The following CCDC180 variants were observed in gnomAD, a reference collection of about 807,000 sequenced individuals.
CCDC180 encodes coiled-coil domain-containing protein 180.
Under a neutral mutation model 209.2 loss-of-function variants are expected in CCDC180, and 154 were observed. The ratio of observed to expected loss-of-function variants is 0.74; its 90% confidence interval spans 0.65 to 0.84. The LOEUF (loss-of-function observed/expected upper bound fraction) is 0.84. Ranked by LOEUF, CCDC180 falls within the 40% of genes least tolerant of loss-of-function variation. The pLI, the probability that CCDC180 is intolerant of heterozygous loss-of-function variation, is 0.00. For synonymous variants in CCDC180, 778 were observed against 749.1 expected (o/e 1.04, Z -0.63); for missense variants, 1,874 against 1,997.3 (o/e 0.94, Z 1.18).
intron 2 of CCDC180, 128 bp downstream of exon 2, chr9:97,308,260 T>G: frequency 1.3e-6 from 1 of 800,000 alleles, no homozygotes; most frequent in Non-Finnish European, 1.8e-6. Context: ...ACTTTGATTT[T>G]AAAAATAATT....
chr9:97,327,983 T>G, intron 15 of CCDC180, 37 bp from the exon 16 acceptor site: 1 of 1,598,088 alleles, frequency 6.3e-7, no homozygotes, highest in African/African-American at 1.3e-5. Flanking sequence ...GTGTGGTTCC[T>G]AGCTGGGGTC....
intron 1 of CCDC180, 65 bp downstream of exon 1, chr9:97,307,871 CA>C: frequency 6.2e-7 from 1 of 1,606,168 alleles, no homozygotes; most frequent in South Asian, 1.1e-5. Flanking sequence ...GCCTACCCCC[CA>C]GCAGAGAGTC....
chr9:97,370,548 G>C, intron 32 of CCDC180, 93 bp from the exon 33 acceptor site: 2 of 1,435,858 alleles, frequency 1.4e-6, no homozygotes, highest in South Asian at 1.3e-5. Flanking sequence ...CAGAGGACAT[G>C]AGTCTGGCCA....
rs1036682348 is a variant in CCDC180, at chr9:97,366,797, G to T, written c.4189+97G>T. 2 of 1,300,574 alleles carry T rather than the reference G, an allele frequency of 1.5e-6. No individual in the cohort carries two copies. Among genetic ancestry groups the T allele is most frequent in the Non-Finnish European group, 2.1e-6 (2 of 960,758 alleles). The allele number at this position is 1,300,574 out of a possible 1,614,324, so 80.6% of individuals were successfully genotyped here. A position where few individuals can be genotyped will look rare whatever the true frequency, so the allele number is the denominator to read the frequency against. ...CCTTGTGGCCTGGATCCTCCCCTCT[G>T]GGGGAGGCAGAAGAGCTTCCCTGTG... On this transcript the variant is annotated intron_variant, in intron 31 of 36. Transcript: ENST00000529487. The surrounding 1 kb of genome is among the most constrained non-coding windows in gnomAD (Gnocchi z 4.3).
intron 29 of CCDC180, among the ~76,000 whole-genome samples, chr9:97,364,939 C>T (rs1826877190): frequency 6.6e-6 from 1 of 152,160 alleles, no homozygotes; most frequent in African/African-American, 2.4e-5. Flanking sequence ...TGAACAAGTA[C>T]AGACAGGTCC....
chr9:97,347,587 C>G (rs376874356), intron 20 of CCDC180, 98 bp downstream of exon 20: 1 of 1,177,528 alleles, frequency 8.5e-7, no homozygotes, highest in Non-Finnish European at 1.2e-6. Flanking sequence ...CCAGTTTGTA[C>G]CATGCAATGT....
intron 2 of CCDC180, 92 bp from the exon 3 acceptor site, chr9:97,309,322 G>A: frequency 7.7e-7 from 1 of 1,301,658 alleles, no homozygotes; most frequent in Non-Finnish European, 1.1e-6. Context: ...CAGCTCTCTG[G>A]ATGTCTTTCT....
chr9:97,368,393 A>G (rs1826985308), intron 31 of CCDC180, among the ~76,000 whole-genome samples: 1 of 152,140 alleles, frequency 6.6e-6, no homozygotes, highest in South Asian at 2.1e-4. Context: ...CAGACCTCCA[A>G]AGTGGGAAGT....
chr9:97,340,653 C>T lies in CCDC180; in HGVS notation c.2275-2687C>T, dbSNP rs112373139. On this transcript the variant is annotated intron_variant, in intron 18 of 36. Coordinates refer to ENST00000529487, the MANE Select transcript of CCDC180 (RefSeq NM_020893.6). ...AGACAAGATTGCAAGCCTTCTGTTA[C>T]GCGCAGACAGGGCCACCAGAAGGGC... Among the ~76,000 whole-genome samples the T allele has an allele frequency of 9.2e-5, 14 of 152,290 alleles. No individual in the cohort carries two copies. In the East Asian group the frequency reaches 9.7e-4, roughly 10 times the overall value.
chr9:97,365,462 G>A, intron 29 of CCDC180: 4 of 533,778 alleles, frequency 7.5e-6, no homozygotes, highest in South Asian at 7.1e-5. Flanking sequence ...GTCTGAGGAA[G>A]GGCAGGAACA....
Position 97,362,289 on chromosome 9 carries a change from T to G in CCDC180, c.3750T>G (p.Ser1250Arg), listed in dbSNP as rs1253547584. 6.2e-7 allele frequency: 1 copy of G among 1,614,008 alleles called. No homozygotes were observed. The highest frequency in any genetic ancestry group is 1.1e-5 in the South Asian group (1 of 91,082). ...GGGCCTGTGGGTCTCGGGGCAGCAG[T>G]GAGGCAGGGGCTGGTGGTGCTGTGT... ...GAWACGSRGS[S>R]EAGAGGAVCS... The change falls in exon 28 of 37, where the codon AGT (serine) becomes AGG (arginine). Residue 1250 changes from serine (S) to arginine (R), a missense_variant. Physicochemically the swap from Ser to Arg is moderately radical, Grantham distance 110. Coordinates refer to ENST00000529487, the MANE Select transcript of CCDC180 (RefSeq NM_020893.6).
rs1465546123 is a variant in CCDC180, at chr9:97,376,919, ACTTT to A, written c.*29_*32del. On this transcript the variant is annotated 3_prime_UTR_variant, in exon 37 of 37. Transcript: ENST00000529487. ...ACCCTCCGCCCCACCATGAATAAAC[ACTTT>A]CTTATACAGACTCCTTCCCTGTCCA... is the stretch of plus-strand genomic sequence containing the variant. The A allele has an allele frequency of 1.9e-6, 3 of 1,599,052 alleles. No individual in the cohort carries two copies. In the African/African-American group the frequency reaches 4.0e-5, roughly 21 times the overall value.
chr9:97,334,155 C>T (rs1487251885), intron 18 of CCDC180, among the ~76,000 whole-genome samples: 1 of 152,096 alleles, frequency 6.6e-6, no homozygotes, highest in Non-Finnish European at 1.5e-5. Flanking sequence ...TAATTATTCT[C>T]TTTTTAGAAG....
rs187806265 is a variant in CCDC180, at chr9:97,369,206, T to C, written c.4190-716T>C. 75 of 151,834 alleles carry C rather than the reference T, an allele frequency of 4.9e-4. 3 individuals carry two copies. In the East Asian group the frequency reaches 0.011, roughly 22 times the overall value. 9.4% of individuals were successfully genotyped at this position (151,834 alleles called of 1,614,324 possible). Reference sequence around the variant, plus strand: ...ACAGAAATATAAAGAGATGAAAATATGGGAGAGAGGTAAAGGGATGTGAAT... The same window carrying C: ...ACAGAAATATAAAGAGATGAAAATACGGGAGAGAGGTAAAGGGATGTGAAT... On this transcript the variant is annotated intron_variant, in intron 31 of 36. Coordinates refer to ENST00000529487, the MANE Select transcript of CCDC180 (RefSeq NM_020893.6).
chr9:97,328,169 C>G (rs770720025), intron 16 of CCDC180, 23 bp downstream of exon 16: 3 of 1,609,194 alleles, frequency 1.9e-6, no homozygotes, highest in South Asian at 2.2e-5. Context: ...TGATGATACA[C>G]CCAGCCACTC....
rs138567391 is a variant in CCDC180 at position 97,337,343 on chromosome 9, T to C, written c.2275-5997T>C. ...ATTATTTTGAGATATGTTCCATCAA[T>C]ACCTAGTTTATTGAGAGCTTTTAGC... is the stretch of plus-strand genomic sequence containing the variant. On this transcript the variant is annotated intron_variant, in intron 18 of 36. Transcript: ENST00000529487. Among the ~76,000 whole-genome samples the C allele has an allele frequency of 6.9e-3, 1,057 of 152,340 alleles. 3 individuals carry two copies. Among genetic ancestry groups the C allele is most frequent in the Non-Finnish European group, 1.0e-2 (680 of 68,034 alleles).
At chr9:97,345,225 C>T (rs1244466609) in intron 19 of CCDC180, among the ~76,000 whole-genome samples, 17 of 152,184 alleles carry the variant, frequency 1.1e-4, no homozygotes, top group Admixed American at 1.1e-3. Flanking sequence ...AAGAGTGGAA[C>T]TGTTGACTCA....
At chr9:97,354,830 C>A (rs1325583354) in intron 23 of CCDC180, 62 bp from the exon 24 acceptor site, 1 of 1,556,714 alleles carries the variant, frequency 6.4e-7, no homozygotes, top group African/African-American at 1.4e-5. Flanking sequence ...TCCCCCTCCT[C>A]CTTCAGAGTC....
chr9:97,364,146 T>C lies in CCDC180; in HGVS notation c.3980+18T>C. The C allele has an allele frequency of 6.2e-7, 1 of 1,612,558 alleles. No individual in the cohort carries two copies. On this transcript the variant is annotated intron_variant, in intron 29 of 36. Transcript: ENST00000529487. ...GCTGCCGAGTGAGTAACAACGCCTT[T>C]CCTTTTGACTGCATTTAACCTGTTT...
Sources: gnomAD v4.1 joint callset for allele counts (sites outside exome capture counted in the v4.1 genomes callset) on GRCh38, gnomAD v4.1.1 for gene constraint, Gnocchi (gnomAD v3.1) non-coding constraint, MANE v1.5 for transcripts, NCBI Gene and HGNC (gene_info 2026-07-23, HGNC 2026-07-21) for gene names.